Variants in PTPRD observed in about 807,000 individuals in gnomAD.
PTPRD encodes receptor-type tyrosine-protein phosphatase delta.
In PTPRD, 34 loss-of-function variants were observed where a neutral mutation model predicts 214.5. That is an observed-to-expected ratio of 0.16 (90% CI 0.12 to 0.21). The LOEUF is 0.21. Among genes scored for constraint, PTPRD ranks in the 10% least tolerant of loss-of-function variants. The pLI, the probability that PTPRD is intolerant of heterozygous loss-of-function variation, is 1.00. For missense variants in PTPRD, 2,545 were observed against 2,398.7 expected, an observed-to-expected ratio of 1.06 and a Z score of -1.27; for synonymous variants, 1,128 against 845.7, an observed-to-expected ratio of 1.33 and a Z score of -5.79.
At chr9:10,284,796 G>C (rs187467503) in intron 3 of PTPRD, among the ~76,000 whole-genome samples, 1 of 151,748 alleles carries the variant, frequency 6.6e-6, no homozygotes, top group Non-Finnish European at 1.5e-5. Context: ...GAGAGAGAGA[G>C]CATCTGCTGC....
chr9:9,633,339 G>C (rs770710663), intron 7 of PTPRD, among the ~76,000 whole-genome samples: 62 of 152,010 alleles, frequency 4.1e-4, no homozygotes, highest in Middle Eastern at 3.4e-3. Flanking sequence ...ATGGTCAGTG[G>C]GTAGGGAAAT....
chr9:9,192,164 T>A (rs890866077), intron 9 of PTPRD, among the ~76,000 whole-genome samples: 6 of 151,994 alleles, frequency 3.9e-5, no homozygotes, highest in Admixed American at 1.3e-4. Context: ...ATATCAGGAA[T>A]CTAGGACAGT....
chr9:8,599,807 G>C (rs531041341), intron 14 of PTPRD, among the ~76,000 whole-genome samples: 5 of 151,700 alleles, frequency 3.3e-5, no homozygotes, highest in African/African-American at 9.7e-5. Context: ...AGTAGAGACG[G>C]GGCTTCTCCA....
At chr9:8,633,489 G>A (rs1240393183) in intron 13 of PTPRD, 31 bp from the exon 14 acceptor site, 1 of 1,605,632 alleles carries the variant, frequency 6.2e-7, no homozygotes, top group African/African-American at 1.3e-5. Context: ...TGTCACAGGT[G>A]TTGTTACAAT....
At chr9:8,678,983 T>A (rs540608094) in intron 12 of PTPRD, among the ~76,000 whole-genome samples, 123 of 152,354 alleles carry the variant, frequency 8.1e-4, no homozygotes, top group African/African-American at 2.9e-3. Flanking sequence ...GCAGTTCATG[T>A]CACAATGCAA....
At chr9:9,013,887 G>A (rs554850815) in intron 11 of PTPRD, among the ~76,000 whole-genome samples, 1 of 152,228 alleles carries the variant, frequency 6.6e-6, no homozygotes, top group African/African-American at 2.4e-5. Context: ...GTATCAACGT[G>A]CAAGGTGAGG....
At chr9:8,470,097 C>A (rs550000076) in intron 31 of PTPRD, among the ~76,000 whole-genome samples, 1 of 152,218 alleles carries the variant, frequency 6.6e-6, no homozygotes, top group South Asian at 2.1e-4. Flanking sequence ...AAATTAAAAT[C>A]TCATATTTGC....
intron 3 of PTPRD, among the ~76,000 whole-genome samples, chr9:10,290,337 T>C (rs1395561742): frequency 1.3e-5 from 2 of 152,148 alleles, no homozygotes; most frequent in Admixed American, 6.6e-5. Context: ...GCTGCTTCTT[T>C]TACTCTTTTT....
intron 5 of PTPRD, among the ~76,000 whole-genome samples, chr9:9,854,682 A>T (rs2153673796): frequency 6.6e-6 from 1 of 152,198 alleles, no homozygotes; most frequent in African/African-American, 2.4e-5. Flanking sequence ...CTAAATTGTT[A>T]TTTGAATTAT....
intron 14 of PTPRD, among the ~76,000 whole-genome samples, chr9:8,535,616 G>A (rs945423275): frequency 6.6e-6 from 1 of 151,828 alleles, no homozygotes; most frequent in Non-Finnish European, 1.5e-5. Context: ...CAGGGAAGGG[G>A]CATTAAGTAT....
intron 8 of PTPRD, among the ~76,000 whole-genome samples, chr9:9,532,258 G>T (rs2075644882): frequency 6.6e-6 from 1 of 152,074 alleles, no homozygotes; most frequent in Admixed American, 6.6e-5. Context: ...AATCTGCAGA[G>T]ATTTATATGA....
chr9:10,497,357 T>A (rs1390857609), intron 2 of PTPRD, among the ~76,000 whole-genome samples: 1 of 152,008 alleles, frequency 6.6e-6, no homozygotes, highest in African/African-American at 2.4e-5. Flanking sequence ...GACATATACA[T>A]GTATACTAGA....
At chr9:9,464,592 G>C in intron 8 of PTPRD, among the ~76,000 whole-genome samples, 1 of 152,010 alleles carries the variant, frequency 6.6e-6, no homozygotes, top group East Asian at 1.9e-4. Context: ...ATTTATGAAA[G>C]TTTCTGTTAT....
chr9:9,149,514 C>A (rs1221678268), intron 10 of PTPRD, among the ~76,000 whole-genome samples: 1 of 152,128 alleles, frequency 6.6e-6, no homozygotes, highest in Non-Finnish European at 1.5e-5. Flanking sequence ...GCCATTTTAG[C>A]AACGCATGCA....
At chr9:10,444,041 T>C (rs2098780950) in intron 2 of PTPRD, among the ~76,000 whole-genome samples, 1 of 151,768 alleles carries the variant, frequency 6.6e-6, no homozygotes, top group Non-Finnish European at 1.5e-5. Context: ...AGTTAGACTG[T>C]ATAAATTGAA....
At chr9:8,477,078 CAT>C (rs1313404460) in intron 30 of PTPRD, among the ~76,000 whole-genome samples, 1 of 150,662 alleles carries the variant, frequency 6.6e-6, no homozygotes, top group East Asian at 1.9e-4. Flanking sequence ...CCTACAAATT[CAT>C]ATCAACCAAA....
At chr9:8,389,061 G>A (rs2088433033) in intron 37 of PTPRD, among the ~76,000 whole-genome samples, 171 bp downstream of exon 37, 1 of 149,058 alleles carries the variant, frequency 6.7e-6, no homozygotes, top group Non-Finnish European at 1.5e-5. Context: ...AAAACACCCA[G>A]AGGAGTTTTA....
At chr9:8,717,726 C>T (rs757942340) in intron 12 of PTPRD, among the ~76,000 whole-genome samples, 3 of 152,162 alleles carry the variant, frequency 2.0e-5, no homozygotes, top group Non-Finnish European at 4.4e-5. Flanking sequence ...TACATGTCTA[C>T]ATTCTATTCC....
intron 3 of PTPRD, among the ~76,000 whole-genome samples, chr9:10,162,709 GTA>G (rs1491552950): frequency 1.4e-5 from 2 of 142,290 alleles, no homozygotes; most frequent in Non-Finnish European, 3.1e-5. Flanking sequence ...ACATATACAC[GTA>G]TATATATACA....
Sources: allele counts gnomAD v4.1 joint callset (sites outside exome capture counted in the v4.1 genomes callset), GRCh38; gene constraint gnomAD v4.1.1; transcripts MANE v1.5; gene names NCBI Gene and HGNC (gene_info 2026-07-23, HGNC 2026-07-21).